Variants in DOK6 observed in about 807,000 individuals in gnomAD.
The protein encoded by DOK6 is docking protein 6, also known as downstream of tyrosine kinase 6.
DOK6 carries 22 observed loss-of-function variants against 44.0 expected under a neutral mutation model. That is an observed-to-expected ratio of 0.50 (90% CI 0.36 to 0.71). The LOEUF (loss-of-function observed/expected upper bound fraction) is 0.71. Among genes scored for constraint, DOK6 ranks in the 30% least tolerant of loss-of-function variants. DOK6 has a pLI of 0.00. For synonymous variants in DOK6, 166 were observed against 145.5 expected, an observed-to-expected ratio of 1.14 and a Z score of -1.01; for missense variants, 340 against 416.4, an observed-to-expected ratio of 0.82 and a Z score of 1.60.
intron 1 of DOK6, among the ~76,000 whole-genome samples, chr18:69,563,314 A>G (rs1345793631): frequency 6.6e-6 from 1 of 152,112 alleles, no homozygotes; most frequent in Non-Finnish European, 1.5e-5. Context: ...TATACCCAAA[A>G]GATTATAAAT....
At chr18:69,410,638 T>C (rs1978302018) in intron 1 of DOK6, among the ~76,000 whole-genome samples, 1 of 152,194 alleles carries the variant, frequency 6.6e-6, no homozygotes, top group African/African-American at 2.4e-5. Flanking sequence ...CGAACGTGAG[T>C]AAATCCTTTC....
chr18:69,841,167 T>A (rs879018151), intron 7 of DOK6, 77 bp from the exon 8 acceptor site: 2 of 1,555,198 alleles, frequency 1.3e-6, no homozygotes, highest in Admixed American at 3.5e-5. Context: ...AGATAGATAA[T>A]AGATAGATGA....
chr18:69,806,544 T>G (rs1170089021), intron 7 of DOK6, among the ~76,000 whole-genome samples: 1 of 151,950 alleles, frequency 6.6e-6, no homozygotes, highest in Non-Finnish European at 1.5e-5. Flanking sequence ...AATAACAGAT[T>G]AGAAAAATAA....
chr18:69,551,352 A>C (rs538944307), intron 1 of DOK6, among the ~76,000 whole-genome samples: 202 of 152,340 alleles, frequency 1.3e-3, no homozygotes, highest in African/African-American at 4.5e-3. Flanking sequence ...CCACAGTTTG[A>C]AGAAAACAGT....
chr18:69,548,258 T>A (rs952600145), intron 1 of DOK6, among the ~76,000 whole-genome samples: 2 of 151,246 alleles, frequency 1.3e-5, no homozygotes, highest in Non-Finnish European at 3.0e-5. Flanking sequence ...TGCCCTCATA[T>A]ATATATTTTT....
At chr18:69,693,312 GAAAA>G (rs10554189) in intron 4 of DOK6, among the ~76,000 whole-genome samples, 64 of 126,136 alleles carry the variant, frequency 5.1e-4, no homozygotes, top group African/African-American at 1.6e-3. Context: ...CTTCTTTGAA[GAAAA>G]AAAAAAAAAA....
At chr18:69,790,344 T>C (rs544315303) in intron 7 of DOK6, among the ~76,000 whole-genome samples, 1 of 152,196 alleles carries the variant, frequency 6.6e-6, no homozygotes, top group South Asian at 2.1e-4. Context: ...TGATGGGTTG[T>C]TGGGTGCAGC....
At chr18:69,709,926 C>T (rs1249408632) in intron 5 of DOK6, among the ~76,000 whole-genome samples, 10 of 152,180 alleles carry the variant, frequency 6.6e-5, no homozygotes. Context: ...CCTACATTCC[C>T]AGCACTTTCA....
At chr18:69,790,378 C>A (rs911294286) in intron 7 of DOK6, among the ~76,000 whole-genome samples, 1 of 152,024 alleles carries the variant, frequency 6.6e-6, no homozygotes, top group African/African-American at 2.4e-5. Context: ...ACGTGTATAC[C>A]TTTGTAACAG....
chr18:69,664,351 A>T (rs1181481596), intron 3 of DOK6, among the ~76,000 whole-genome samples: 1 of 152,210 alleles, frequency 6.6e-6, no homozygotes, highest in Non-Finnish European at 1.5e-5. Flanking sequence ...ACTGGCTTTT[A>T]AAAAGCCATC....
At chr18:69,574,229 C>T (rs761225447) in intron 2 of DOK6, among the ~76,000 whole-genome samples, 25 of 152,036 alleles carry the variant, frequency 1.6e-4, no homozygotes, top group Admixed American at 9.2e-4. Flanking sequence ...CACTAGGGAT[C>T]GTAATTGTCC....
In DOK6 at chr18:69,502,241, G is replaced by A. The variant is rs1409103635; in HGVS notation, c.67-62246G>A. Among the ~76,000 whole-genome samples, 6 of 151,914 alleles carry A rather than the reference G, an allele frequency of 3.9e-5. No individual in the cohort carries two copies. In the East Asian group the frequency reaches 5.8e-4, roughly 15 times the overall value. ...TAATTATTATTGTTGGAAGAATGAC[G>A]AATTTGAATGTCTGAAAAATTTAGC... On this transcript the variant is annotated intron_variant, in intron 1 of 7. Coordinates refer to ENST00000382713, the MANE Select transcript of DOK6 (RefSeq NM_152721.6).
intron 1 of DOK6, among the ~76,000 whole-genome samples, chr18:69,524,725 T>G (rs1981782476): frequency 6.6e-6 from 1 of 152,002 alleles, no homozygotes; most frequent in Non-Finnish European, 1.5e-5. Context: ...ATAATGATTT[T>G]TATTAATATG....
intron 3 of DOK6, among the ~76,000 whole-genome samples, chr18:69,670,566 G>T (rs1244741807): frequency 6.8e-6 from 1 of 146,364 alleles, no homozygotes; most frequent in Non-Finnish European, 1.5e-5. Context: ...CTGGAGTACA[G>T]TGGCATGATC....
chr18:69,579,506 A>G (rs1248367550), intron 2 of DOK6, among the ~76,000 whole-genome samples: 1 of 151,988 alleles, frequency 6.6e-6, no homozygotes, highest in African/African-American at 2.4e-5. Context: ...CTATCATGTT[A>G]ATCTCCTAGT....
At chr18:69,785,076 T>A (rs1980390155) in intron 7 of DOK6, among the ~76,000 whole-genome samples, 1 of 152,204 alleles carries the variant, frequency 6.6e-6, no homozygotes, top group Non-Finnish European at 1.5e-5. Context: ...GATGACTTGC[T>A]TTTCCCATTA....
At chr18:69,562,000 T>C (rs1441252960) in intron 1 of DOK6, among the ~76,000 whole-genome samples, 1 of 152,204 alleles carries the variant, frequency 6.6e-6, no homozygotes, top group African/African-American at 2.4e-5. Context: ...GAAGTTTCCT[T>C]CTATTGATTT....
intron 1 of DOK6, among the ~76,000 whole-genome samples, chr18:69,563,648 T>G (rs1223110382): frequency 3.0e-5 from 3 of 100,654 alleles, no homozygotes; most frequent in South Asian, 4.0e-4. Flanking sequence ...CTGGGGCCTG[T>G]TGCGGGGTGG....
At chr18:69,658,104 C>T (rs894554520) in intron 3 of DOK6, among the ~76,000 whole-genome samples, 39 of 152,044 alleles carry the variant, frequency 2.6e-4, no homozygotes, top group Admixed American at 1.5e-3. Context: ...GGCACCACCA[C>T]GCCCAGCTGA....
Sources: allele counts gnomAD v4.1 joint callset (sites outside exome capture counted in the v4.1 genomes callset), GRCh38; gene constraint gnomAD v4.1.1; transcripts MANE v1.5; gene names NCBI Gene and HGNC (gene_info 2026-07-23, HGNC 2026-07-21).